The following CTNNA3 variants were observed in gnomAD, a reference collection of about 807,000 sequenced individuals.
The protein encoded by CTNNA3 is catenin alpha-3.
CTNNA3 carries 76 observed loss-of-function variants against 95.7 expected under a neutral mutation model. The observed-to-expected ratio is 0.79, with a 90% CI of 0.66 to 0.96. CTNNA3 has a LOEUF of 0.96. Ranked by LOEUF, CTNNA3 falls within the 40% of genes least tolerant of loss-of-function variation. CTNNA3 has a pLI of 0.00. For synonymous variants in CTNNA3, 431 were observed against 374.4 expected (o/e 1.15, Z -1.74); for missense variants, 1,191 against 1,089.8 (o/e 1.09, Z -1.31).
chr10:67,577,429 T>C (rs924351369), intron 3 of CTNNA3, among the ~76,000 whole-genome samples: 2 of 152,190 alleles, frequency 1.3e-5, no homozygotes, highest in East Asian at 1.9e-4. Flanking sequence ...GATATTAGCC[T>C]TTTGTCAGAT....
At chr10:66,884,998 T>C (rs907049265) in intron 7 of CTNNA3, among the ~76,000 whole-genome samples, 4 of 152,108 alleles carry the variant, frequency 2.6e-5, no homozygotes, top group African/African-American at 4.8e-5. Context: ...TCCCAGGTTA[T>C]TACATAGCTT....
intron 7 of CTNNA3, among the ~76,000 whole-genome samples, chr10:66,967,183 G>A (rs1849470424): frequency 6.6e-6 from 1 of 152,008 alleles, no homozygotes; most frequent in Admixed American, 6.5e-5. Context: ...TTTCTTATGT[G>A]TACAAGCACA....
chr10:66,685,145 CTATATATATATACACG>C (rs1847204039), intron 9 of CTNNA3, among the ~76,000 whole-genome samples: 1 of 134,684 alleles, frequency 7.4e-6, no homozygotes, highest in African/African-American at 2.8e-5. Context: ...CTTAGAAGAA[CTATATATATATACACG>C]TATATATATA....
At chr10:67,001,543 AC>A (rs147170778) in intron 7 of CTNNA3, among the ~76,000 whole-genome samples, 2,733 of 152,010 alleles carry the variant, frequency 0.018, 87 homozygotes, top group African/African-American at 0.061. Context: ...TTGAAGTAAA[AC>A]TTTCTAATTA....
In CTNNA3 at chr10:67,510,597, C is replaced by T. The variant is rs575282494; in HGVS notation, c.579+11245G>A. Among the ~76,000 whole-genome samples the T allele has an allele frequency of 1.2e-3, 186 of 152,090 alleles. 1 individual carries two copies. Among genetic ancestry groups the T allele is most frequent in the African/African-American group, 4.2e-3 (176 of 41,488 alleles). On this transcript the variant is annotated intron_variant, in intron 5 of 17. Transcript: ENST00000433211. ...TACCATGCTCTTTTGGTTACTGCAG[C>T]CTTGTAGTATAGTTTGAAGTCAGGT...
intron 7 of CTNNA3, among the ~76,000 whole-genome samples, chr10:67,162,007 C>T (rs1048114340): frequency 1.3e-5 from 2 of 151,984 alleles, no homozygotes; most frequent in African/African-American, 4.8e-5. Flanking sequence ...TACTTAACAA[C>T]AGAGCTATAA....
At chr10:66,449,671 G>A (rs988629385) in intron 11 of CTNNA3, among the ~76,000 whole-genome samples, 5 of 151,890 alleles carry the variant, frequency 3.3e-5, no homozygotes, top group Non-Finnish European at 5.9e-5. Flanking sequence ...TTACCAAAGG[G>A]CACTCATCCA....
intron 7 of CTNNA3, chr10:67,012,864 A>G (rs946342687): frequency 6.6e-6 from 1 of 152,180 alleles, no homozygotes. Flanking sequence ...TGCAGGTGGG[A>G]AAAATGTTAC....
chr10:66,329,415 A>T (rs182507724), intron 12 of CTNNA3, among the ~76,000 whole-genome samples: 2 of 152,026 alleles, frequency 1.3e-5, no homozygotes, highest in African/African-American at 4.8e-5. Flanking sequence ...CTTACAGTGT[A>T]ACACCCCAAA....
At chr10:65,986,325 C>T (rs1364875594) in intron 16 of CTNNA3, among the ~76,000 whole-genome samples, 2 of 53,532 alleles carry the variant, frequency 3.7e-5, no homozygotes, top group African/African-American at 5.6e-5. Flanking sequence ...AAAGGCTCTA[C>T]CAAAAAAAAA....
chr10:66,536,397 G>A (rs570990053), intron 10 of CTNNA3, among the ~76,000 whole-genome samples: 14 of 149,038 alleles, frequency 9.4e-5, no homozygotes, highest in African/African-American at 2.0e-4. Context: ...CAGGGGAGTC[G>A]CTTGAACCCC....
chr10:67,481,749 T>C (rs1848238581), intron 5 of CTNNA3, among the ~76,000 whole-genome samples: 2 of 152,212 alleles, frequency 1.3e-5, no homozygotes, highest in Non-Finnish European at 2.9e-5. Flanking sequence ...GCTCTTTAGT[T>C]TACTTAGATC....
intron 10 of CTNNA3, among the ~76,000 whole-genome samples, chr10:66,524,542 G>T (rs1209122337): frequency 6.6e-6 from 1 of 152,118 alleles, no homozygotes; most frequent in Non-Finnish European, 1.5e-5. Flanking sequence ...ATAAAAAGTT[G>T]TGTTGTGTTA....
intron 10 of CTNNA3, among the ~76,000 whole-genome samples, chr10:66,589,298 A>G (rs1447893264): frequency 6.6e-6 from 1 of 151,868 alleles, no homozygotes; most frequent in Non-Finnish European, 1.5e-5. Context: ...GAGGGATGAA[A>G]GGGGTGGGAA....
chr10:66,571,646 A>C (rs1842870613), intron 10 of CTNNA3, among the ~76,000 whole-genome samples: 1 of 152,234 alleles, frequency 6.6e-6, no homozygotes, highest in African/African-American at 2.4e-5. Flanking sequence ...AACAAAAAGA[A>C]AAGTAACATT....
intron 13 of CTNNA3, among the ~76,000 whole-genome samples, chr10:66,166,547 T>C (rs2085143113): frequency 6.6e-6 from 1 of 150,482 alleles, no homozygotes; most frequent in African/African-American, 2.4e-5. Context: ...TTAAGTAGCT[T>C]ATCTATGGTT....
At chr10:66,626,930 CACAACA>C (rs3053862) in intron 9 of CTNNA3, among the ~76,000 whole-genome samples, 1,798 of 150,722 alleles carry the variant, frequency 0.012, 34 homozygotes, top group African/African-American at 0.041. Context: ...CATACACACA[CACAACA>C]ACAACAACAA....
chr10:67,256,925 A>T (rs1866373065), intron 5 of CTNNA3, among the ~76,000 whole-genome samples: 1 of 152,176 alleles, frequency 6.6e-6, no homozygotes, highest in Non-Finnish European at 1.5e-5. Flanking sequence ...TAAATAAAAA[A>T]AATTAAAATT....
intron 6 of CTNNA3, among the ~76,000 whole-genome samples, chr10:67,186,045 A>AAAAT (rs1862832167): frequency 6.7e-6 from 1 of 150,368 alleles, no homozygotes; most frequent in Non-Finnish European, 1.5e-5. Flanking sequence ...AAAAAAAAAA[A>AAAAT]ATTAAACCAT....
Sources: gnomAD v4.1 joint callset for allele counts (sites outside exome capture counted in the v4.1 genomes callset) on GRCh38, gnomAD v4.1.1 for gene constraint, MANE v1.5 for transcripts, NCBI Gene and HGNC (gene_info 2026-07-23, HGNC 2026-07-21) for gene names.